The following DNAH6 variants were observed in gnomAD, a reference collection of about 807,000 sequenced individuals.
DNAH6 encodes the protein dynein axonemal heavy chain 6.
DNAH6 carries 340 observed loss-of-function variants against 491.4 expected under a neutral mutation model. The ratio of observed to expected loss-of-function variants is 0.69; its 90% CI spans 0.63 to 0.76. The LOEUF (loss-of-function observed/expected upper bound fraction) is 0.76. DNAH6 is among the 30% of genes least tolerant of loss of function. DNAH6 has a pLI of 0.00. For synonymous variants in DNAH6, 1,603 were observed against 1,686.1 expected (o/e 0.95, Z 1.21); for missense variants, 4,443 against 4,972.2 (o/e 0.89, Z 3.20).
Position 84,579,649 on chromosome 2 carries a change from C to A in DNAH6, c.2199C>A (p.Ser733Arg). 6.3e-7 allele frequency: 1 copy of A among 1,590,834 alleles called. No homozygotes were observed. The highest frequency in any genetic ancestry group is 8.5e-7 in the Non-Finnish European group (1 of 1,171,524). ...CTACTACCACAGAATATGTTCATAG[C>A]TTATTATTTCTTGATGAAATTCAGG... ...VPTTTTEYVH[S>R]LLFLDEIQER... The change falls in exon 14 of 77, where the codon AGC (serine) becomes AGA (arginine). Residue 733 changes from serine to arginine, a missense_variant. Around this residue, in one of 3 missense-constraint regions of DNAH6, gnomAD observed 2,977 missense variants for 3,296.6 expected, o/e 0.90. Transcript: ENST00000389394.
chr2:84,490,695 G>A, the DNAH6 span, among the ~76,000 whole-genome samples: 1,142 of 152,178 alleles, frequency 7.5e-3, 9 homozygotes, highest in Middle Eastern at 0.02. Context: ...CCAAGTATCT[G>A]GAACTACAGG....
chr2:84,529,801 A>G (rs1281370761), intron 4 of DNAH6, among the ~76,000 whole-genome samples: 1 of 152,106 alleles, frequency 6.6e-6, no homozygotes, highest in Non-Finnish European at 1.5e-5. Flanking sequence ...CTTGATGGTG[A>G]TAATAGTTTA....
intron 50 of DNAH6, among the ~76,000 whole-genome samples, chr2:84,703,804 G>C (rs1696171422): frequency 6.6e-6 from 1 of 152,024 alleles, no homozygotes; most frequent in Non-Finnish European, 1.5e-5. Flanking sequence ...ATAGGACAGA[G>C]AATTGTGAGA....
At chr2:84,478,991 C>T in the DNAH6 span, among the ~76,000 whole-genome samples, 1 of 152,040 alleles carries the variant, frequency 6.6e-6, no homozygotes, top group African/African-American at 2.4e-5. Flanking sequence ...TGATGCTACA[C>T]TATCAGCTGT....
intron 11 of DNAH6, among the ~76,000 whole-genome samples, chr2:84,566,447 G>A (rs1374449122): frequency 6.6e-6 from 1 of 151,916 alleles, no homozygotes; most frequent in Non-Finnish European, 1.5e-5. Context: ...TCTTCTGGAA[G>A]ACACAAAAAT....
chr2:84,624,604 T>C lies in DNAH6; in HGVS notation c.4337T>C (p.Val1446Ala), dbSNP rs1338778225. 7 of 1,551,524 alleles carry C rather than the reference T, an allele frequency of 4.5e-6. No individual in the cohort carries two copies. Among genetic ancestry groups the C allele is most frequent in the Admixed American group, 2.0e-5 (1 of 50,986 alleles). The part of the protein sequence containing the change: ...YEYLGACPRL[V>A]ITPLTDRCYL... ...TATTTGGGTGCATGCCCAAGATTGG[T>C]TATTACTCCACTCACAGTAAGTTAT... Residue 1446 changes from valine to alanine, a missense_variant, in exon 28 of 77, where the codon GTT (valine) becomes GCT (alanine). Coordinates refer to ENST00000389394, the MANE Select transcript of DNAH6 (RefSeq NM_001370.2).
At chr2:84,499,411 T>G in the DNAH6 span, among the ~76,000 whole-genome samples, 3 of 152,256 alleles carry the variant, frequency 2.0e-5, no homozygotes, top group Non-Finnish European at 4.4e-5. Context: ...CCATTGTGTA[T>G]GCATACCACA....
Position 84,577,259 on chromosome 2 carries a change from A to AT in DNAH6, c.1929dup (p.Asn644Ter). The AT allele has an allele frequency of 6.4e-7, 1 of 1,574,036 alleles. No individual in the cohort carries two copies. The highest frequency in any genetic ancestry group is 8.6e-7 in the Non-Finnish European group (1 of 1,163,246). ...TTTATGTGAATTTTTTTATGTAGAT[A>AT]TTAACTTTTTTAGTGAACAACTGGA... On this transcript the variant is annotated frameshift_variant, in exon 13 of 77. Transcript: ENST00000389394. LOFTEE classifies it high-confidence loss of function.
intron 27 of DNAH6, 27 bp downstream of exon 27, chr2:84,624,417 T>C: frequency 1.3e-6 from 2 of 1,549,358 alleles, no homozygotes; most frequent in Non-Finnish European, 1.7e-6. Flanking sequence ...AGTAAAATTA[T>C]ATACTTCTTT....
intron 10 of DNAH6, among the ~76,000 whole-genome samples, chr2:84,557,518 C>T (rs1240440561): frequency 4.0e-5 from 6 of 150,534 alleles, no homozygotes; most frequent in African/African-American, 7.3e-5. Flanking sequence ...GGCGCGGTGG[C>T]GGGCGCCTGT....
Position 84,683,412 on chromosome 2 carries a change from A to ATTTTTTTTT in DNAH6, c.6917-1895_6917-1887dup, listed in dbSNP as rs61217837. On this transcript the variant is annotated intron_variant, in intron 42 of 76. Coordinates refer to ENST00000389394, the MANE Select transcript of DNAH6 (RefSeq NM_001370.2). Reference sequence around the variant, plus strand: ...GTGCCCTTTGTTCTACACCACTCTTATTTTTTTTTTTTTTTTTTTTTTTTT... The same window carrying ATTTTTTTTT: ...GTGCCCTTTGTTCTACACCACTCTTATTTTTTTTTTTTTTTTTTTTTTTTTTTTTTTTTT... Among the ~76,000 whole-genome samples, 11 of 93,896 alleles carry ATTTTTTTTT rather than the reference A, an allele frequency of 1.2e-4. 1 individual carries two copies. Among genetic ancestry groups the ATTTTTTTTT allele is most frequent in the Non-Finnish European group, 1.5e-4 (7 of 47,918 alleles). 61.6% of individuals were successfully genotyped at this position (93,896 alleles called of 152,430 possible).
chr2:84,724,508 A>G (rs1558963465), intron 60 of DNAH6, among the ~76,000 whole-genome samples: 1 of 152,142 alleles, frequency 6.6e-6, no homozygotes, highest in Non-Finnish European at 1.5e-5. Flanking sequence ...TTACATTCCC[A>G]AGACTAACTG....
intron 68 of DNAH6, among the ~76,000 whole-genome samples, chr2:84,790,243 T>C (rs909206637): frequency 2.0e-5 from 3 of 152,110 alleles, no homozygotes; most frequent in African/African-American, 7.2e-5. Flanking sequence ...CCTTATACCA[T>C]ACACAAAAAT....
At chr2:84,529,219 AC>A in intron 4 of DNAH6, 53 bp downstream of exon 4, 7 of 1,233,836 alleles carry the variant, frequency 5.7e-6, no homozygotes, top group Non-Finnish European at 7.8e-6. Context: ...ATAAGATTTC[AC>A]ATATTATTTA....
At chr2:84,718,121 G>A (rs918410234) in intron 58 of DNAH6, 83 bp from the exon 59 acceptor site, 8 of 1,167,876 alleles carry the variant, frequency 6.9e-6, no homozygotes, top group Non-Finnish European at 9.4e-6. Context: ...GAATAAGAAC[G>A]ATTACAAACA....
rs750198564 is a variant in DNAH6 at position 84,641,969 on chromosome 2, G to A, written c.4993G>A (p.Asp1665Asn). The change falls in exon 33 of 77, where the codon GAC becomes AAC. Residue 1665 changes from aspartate (D) to asparagine (N), a missense_variant. Around this residue, in one of 3 missense-constraint regions of DNAH6, gnomAD observed 2,977 missense variants for 3,296.6 expected, o/e 0.90. Coordinates refer to ENST00000389394, the MANE Select transcript of DNAH6 (RefSeq NM_001370.2). ...MAGSLKRENP[D>N]LNEDVVLIRA... ...TAGATCTTTAAAAAGAGAAAACCCA[G>A]ACCTAAATGAAGATGTGGTGTTGAT... 2 of 1,550,516 alleles carry A rather than the reference G, an allele frequency of 1.3e-6. No individual in the cohort carries two copies. Among genetic ancestry groups the A allele is most frequent in the Non-Finnish European group, 1.7e-6 (2 of 1,146,442 alleles).
In DNAH6 at chr2:84,654,642, A is replaced by C; in HGVS notation, c.5635-18A>C. ...GTATCATATTAGCTGTTTCCTGTTC[A>C]ATTTTCTTCAACTTTAGGTGCAAGA... On this transcript the variant is annotated intron_variant, in intron 34 of 76. Coordinates refer to ENST00000389394, the MANE Select transcript of DNAH6 (RefSeq NM_001370.2). The C allele has an allele frequency of 6.5e-7, 1 of 1,550,268 alleles. No homozygotes were observed.
intron 37 of DNAH6, among the ~76,000 whole-genome samples, chr2:84,664,747 C>G (rs1252657357): frequency 1.3e-5 from 2 of 152,228 alleles, no homozygotes; most frequent in East Asian, 3.8e-4. Context: ...ACCAAGCAGA[C>G]CTAATAGACA....
At chr2:84,539,636 C>T (rs1033610068) in intron 4 of DNAH6, among the ~76,000 whole-genome samples, 1 of 152,066 alleles carries the variant, frequency 6.6e-6, no homozygotes, top group East Asian at 1.9e-4. Flanking sequence ...ATGGTTAAAC[C>T]CCTAGATGAT....
Sources: gnomAD v4.1 joint callset for allele counts (sites outside exome capture counted in the v4.1 genomes callset) on GRCh38, gnomAD v4.1.1 for gene constraint, gnomAD v4.1.1 regional missense constraint, MANE v1.5 for transcripts, NCBI Gene and HGNC (gene_info 2026-07-23, HGNC 2026-07-21) for gene names.